HACE1: variants seen among roughly 807,000 people sequenced by gnomAD.
HACE1 encodes the protein E3 ubiquitin-protein ligase HACE1.
A neutral mutation model predicts 118.4 loss-of-function variants in HACE1; 73 were observed. The observed-to-expected ratio is 0.62, with a 90% confidence interval of 0.51 to 0.75. The LOEUF is 0.75. Ranked by LOEUF, HACE1 falls within the 30% of genes least tolerant of loss-of-function variation. The pLI is 0.00. For synonymous variants in HACE1, 368 were observed against 374.8 expected, an observed-to-expected ratio of 0.98 and a Z score of 0.21; for missense variants, 749 against 1,102.2, an observed-to-expected ratio of 0.68 and a Z score of 4.54.
chr6:104,800,038 C>T (rs186536223), intron 7 of HACE1, among the ~76,000 whole-genome samples: 14 of 152,242 alleles, frequency 9.2e-5, no homozygotes, highest in East Asian at 5.8e-4. Context: ...TCTTAGTAAA[C>T]GACACACCAG....
intron 23 of HACE1, 22 bp from the exon 24 acceptor site, chr6:104,729,786 C>A (rs746521977): frequency 2.1e-6 from 2 of 963,704 alleles, no homozygotes; most frequent in Middle Eastern, 2.1e-4. Context: ...AAATATACCA[C>A]CATTAAACAG....
At chr6:104,826,774 A>T (rs942240495) in intron 6 of HACE1, among the ~76,000 whole-genome samples, 1 of 152,168 alleles carries the variant, frequency 6.6e-6, no homozygotes, top group African/African-American at 2.4e-5. Context: ...TATGCCTAAA[A>T]CTGGATCGAC....
chr6:104,793,093 C>A (rs1012317396), intron 10 of HACE1, among the ~76,000 whole-genome samples: 2 of 151,644 alleles, frequency 1.3e-5, no homozygotes, highest in African/African-American at 4.8e-5. Flanking sequence ...CAGTGAAACC[C>A]CGTCTCTACT....
intron 19 of HACE1, among the ~76,000 whole-genome samples, chr6:104,769,529 A>G (rs1780393968): frequency 6.6e-6 from 1 of 152,238 alleles, no homozygotes; most frequent in Non-Finnish European, 1.5e-5. Context: ...ATCTAAAAAA[A>G]GATTCTAAAA....
chr6:104,733,416 T>C (rs951052320), intron 22 of HACE1, among the ~76,000 whole-genome samples: 1 of 152,224 alleles, frequency 6.6e-6, no homozygotes, highest in African/African-American at 2.4e-5. Context: ...TATAATCAGA[T>C]CTGATCATGT....
At chr6:104,829,371 G>A (rs1430214488) in intron 6 of HACE1, among the ~76,000 whole-genome samples, 2 of 152,134 alleles carry the variant, frequency 1.3e-5, no homozygotes, top group African/African-American at 4.8e-5. Context: ...ACACTGAGAT[G>A]TGAATGTGTC....
Position 104,728,109 on chromosome 6 carries a change from T to C in HACE1, c.*1553A>G. ...GCCACCACACTCAGTTATTTAATAT[T>C]TTATTATCTATCTCTTTTACATAAC... On this transcript the variant is annotated 3_prime_UTR_variant, in exon 24 of 24. Transcript: ENST00000262903. 6.6e-6 allele frequency: 1 copy of C among 152,092 alleles called. No individual in the cohort carries two copies. Among genetic ancestry groups the C allele is most frequent in the East Asian group, 1.9e-4 (1 of 5,194 alleles). 9.4% of individuals were successfully genotyped at this position (152,092 alleles called of 1,614,324 possible). A position where few individuals can be genotyped will look rare whatever the true frequency, so the allele number is the denominator to read the frequency against.
At chr6:104,747,612 T>C (rs574146175) in intron 20 of HACE1, among the ~76,000 whole-genome samples, 6 of 151,920 alleles carry the variant, frequency 3.9e-5, no homozygotes, top group African/African-American at 1.4e-4. Flanking sequence ...GCAACAGTGA[T>C]GGTATCTGGG....
rs1233810121 is a variant in HACE1, at chr6:104,746,689, T to C, written c.2344-2079A>G. Among the ~76,000 whole-genome samples, 3 of 152,232 alleles carry C rather than the reference T, an allele frequency of 2.0e-5. No individual in the cohort carries two copies. In the East Asian group the frequency reaches 5.8e-4, roughly 29 times the overall value. ...TCTGTGGATGTCTCACTAGACATTG[T>C]TTATTCTTAACACTGCCCATACCTC... On this transcript the variant is annotated intron_variant, in intron 20 of 23. Coordinates refer to ENST00000262903, the MANE Select transcript of HACE1 (RefSeq NM_020771.4).
rs201907057 is a variant in HACE1 at position 104,778,375 on chromosome 6, A to AATAT, written c.1567-1062_1567-1059dup. 1.1e-3 allele frequency among the ~76,000 whole-genome samples: 170 copies of AATAT among 151,044 alleles called. 2 individuals are homozygous for AATAT. In the East Asian group the frequency reaches 0.021, roughly 18 times the overall value. The stretch of plus-strand genomic sequence containing the variant: ...AGATGTGACTAACACAGAGTAACAC[A>AATAT]ATATATATATATATAATATCAATTT... On this transcript the variant is annotated intron_variant, in intron 14 of 23. Coordinates refer to ENST00000262903, the MANE Select transcript of HACE1 (RefSeq NM_020771.4).
At chr6:104,851,477 A>C (rs2114307277) in intron 2 of HACE1, among the ~76,000 whole-genome samples, 1 of 152,262 alleles carries the variant, frequency 6.6e-6, no homozygotes, top group Non-Finnish European at 1.5e-5. Flanking sequence ...ATCATCCAAA[A>C]ACCAAACGCC....
At chr6:104,839,139 T>C (rs1051987490) in intron 5 of HACE1, among the ~76,000 whole-genome samples, 1 of 152,148 alleles carries the variant, frequency 6.6e-6, no homozygotes, top group Non-Finnish European at 1.5e-5. Context: ...GGAACTATCA[T>C]ATGTTGTTGG....
chr6:104,769,741 G>A (rs1780415679), intron 19 of HACE1, among the ~76,000 whole-genome samples: 1 of 152,050 alleles, frequency 6.6e-6, no homozygotes. Flanking sequence ...TAACTCTTTA[G>A]GATTAGTGTC....
chr6:104,859,715 C>A lies in HACE1; in HGVS notation c.-73G>T. On this transcript the variant is annotated 5_prime_UTR_variant, in exon 1 of 24. Coordinates refer to ENST00000262903, the MANE Select transcript of HACE1 (RefSeq NM_020771.4). Reference sequence around the variant, plus strand: ...GGCCTCCGCGCCCAGAGCCCTACATCTCGCCTGGGCCCGTCCAGCAGGCGG... The same window carrying A: ...GGCCTCCGCGCCCAGAGCCCTACATATCGCCTGGGCCCGTCCAGCAGGCGG... 3.0e-6 allele frequency: 4 copies of A among 1,315,694 alleles called. No individual in the cohort carries two copies. Among genetic ancestry groups the A allele is most frequent in the Non-Finnish European group, 4.2e-6 (4 of 955,462 alleles). 81.5% of individuals were successfully genotyped at this position (1,315,694 alleles called of 1,614,324 possible).
chr6:104,728,401 G>T lies in HACE1; in HGVS notation c.*1261C>A, dbSNP rs1329468302. 2 of 152,082 alleles carry T rather than the reference G, an allele frequency of 1.3e-5. No homozygotes were observed. Among genetic ancestry groups the T allele is most frequent in the African/African-American group, 4.8e-5 (2 of 41,432 alleles). The allele number at this position is 152,082 out of a possible 1,614,324, so 9.4% of individuals were successfully genotyped here. ...ATAATTCCTAAATTTCATGTAATCTGTTAAGATATATTTTGTTAACATTTA... is the reference window on the plus strand; with the variant it reads ...ATAATTCCTAAATTTCATGTAATCTTTTAAGATATATTTTGTTAACATTTA... On this transcript the variant is annotated 3_prime_UTR_variant, in exon 24 of 24. Transcript: ENST00000262903.
intron 11 of HACE1, chr6:104,786,415 A>AC (rs1465128337): frequency 6.6e-6 from 1 of 151,008 alleles, no homozygotes; most frequent in African/African-American, 2.4e-5. Flanking sequence ...ATTAAAAAAA[A>AC]AAAAGATGAG....
At chr6:104,843,561 G>A (rs1775320255) in intron 4 of HACE1, among the ~76,000 whole-genome samples, 1 of 152,156 alleles carries the variant, frequency 6.6e-6, no homozygotes, top group Admixed American at 6.5e-5. Flanking sequence ...CATTCAAACT[G>A]TAGAGAAGTT....
At chr6:104,805,387 A>C (rs1163174687) in intron 7 of HACE1, among the ~76,000 whole-genome samples, 1 of 152,222 alleles carries the variant, frequency 6.6e-6, no homozygotes, top group Non-Finnish European at 1.5e-5. Flanking sequence ...TCATGCTACT[A>C]TAAAGACACA....
chr6:104,797,391 T>C (rs2114879182), intron 7 of HACE1, among the ~76,000 whole-genome samples: 1 of 151,946 alleles, frequency 6.6e-6, no homozygotes, highest in East Asian at 1.9e-4. Context: ...CCTGACCTTC[T>C]TCCTACCACA....
Sources: allele counts gnomAD v4.1 joint callset (sites outside exome capture counted in the v4.1 genomes callset), GRCh38; gene constraint gnomAD v4.1.1; transcripts MANE v1.5; gene names NCBI Gene and HGNC (gene_info 2026-07-23, HGNC 2026-07-21).